The following TTC28 variants were observed in gnomAD, a reference collection of about 807,000 sequenced individuals.
The protein encoded by TTC28 is tetratricopeptide repeat protein 28.
A neutral mutation model predicts 198.0 loss-of-function variants in TTC28; 61 were observed. The observed-to-expected ratio is 0.31, with a 90% CI of 0.25 to 0.38. The LOEUF is 0.38. TTC28 is among the 10% of genes least tolerant of loss of function. TTC28 has a pLI of 1.00. For synonymous variants in TTC28, 1,171 were observed against 1,297.8 expected (o/e 0.90, Z 2.10); for missense variants, 2,678 against 3,164.0 (o/e 0.85, Z 3.69).
intron 6 of TTC28, among the ~76,000 whole-genome samples, chr22:28,122,545 CT>C (rs996854198): frequency 3.3e-5 from 5 of 152,206 alleles, no homozygotes; most frequent in African/African-American, 1.2e-4. Flanking sequence ...TTCTGATAAT[CT>C]TTATGGGTTT....
At chr22:28,337,707 ATCCCTT>A (rs2045754216) in intron 2 of TTC28, among the ~76,000 whole-genome samples, 1 of 152,096 alleles carries the variant, frequency 6.6e-6, no homozygotes, top group African/African-American at 2.4e-5. Flanking sequence ...ATGTTCCTCC[ATCCCTT>A]TATTTTGAGC....
chr22:28,279,227 G>C (rs1258266598), intron 5 of TTC28, among the ~76,000 whole-genome samples: 1 of 151,806 alleles, frequency 6.6e-6, no homozygotes, highest in Non-Finnish European at 1.5e-5. Flanking sequence ...CTGTTTTTTT[G>C]ATACAATTTA....
chr22:28,495,075 T>C (rs903053205), intron 2 of TTC28, among the ~76,000 whole-genome samples: 1 of 150,020 alleles, frequency 6.7e-6, no homozygotes, highest in Non-Finnish European at 1.5e-5. Flanking sequence ...ATGAGAGAGA[T>C]ATGAGAAAAT....
intron 2 of TTC28, among the ~76,000 whole-genome samples, chr22:28,574,335 C>T (rs1289512705): frequency 2.0e-5 from 3 of 151,358 alleles, no homozygotes; most frequent in East Asian, 1.9e-4. Context: ...TTTTTGTGGC[C>T]GAATAGTACT....
chr22:28,532,094 C>A (rs1225186137), intron 2 of TTC28, among the ~76,000 whole-genome samples: 2 of 152,048 alleles, frequency 1.3e-5, no homozygotes, highest in Non-Finnish European at 2.9e-5. Flanking sequence ...ACACAAAAAA[C>A]CCTTCAAAAA....
intron 2 of TTC28, among the ~76,000 whole-genome samples, chr22:28,446,070 G>A (rs1318822076): frequency 1.3e-5 from 2 of 152,142 alleles, no homozygotes; most frequent in Non-Finnish European, 2.9e-5. Flanking sequence ...AATAGTGTCA[G>A]CAAAGGAGGC....
chr22:28,048,083 G>GT (rs1277220663), intron 12 of TTC28, among the ~76,000 whole-genome samples: 2 of 151,892 alleles, frequency 1.3e-5, no homozygotes, highest in African/African-American at 4.8e-5. Context: ...AACCTAGGAG[G>GT]TTTTTTTCTG....
intron 2 of TTC28, among the ~76,000 whole-genome samples, chr22:28,319,048 G>C (rs1411703017): frequency 6.6e-6 from 1 of 151,874 alleles, no homozygotes; most frequent in Non-Finnish European, 1.5e-5. Context: ...GGCTGGTTTT[G>C]AACGCCTGGA....
chr22:28,050,197 C>G (rs1415985209), intron 12 of TTC28, among the ~76,000 whole-genome samples: 12 of 152,072 alleles, frequency 7.9e-5, no homozygotes, highest in Admixed American at 7.9e-4. Flanking sequence ...GCCAGGTGAG[C>G]TTGAATCAGG....
At chr22:28,576,722 T>C (rs1445072217) in intron 2 of TTC28, among the ~76,000 whole-genome samples, 1 of 152,118 alleles carries the variant, frequency 6.6e-6, no homozygotes, top group East Asian at 1.9e-4. Context: ...GTAGGCTATA[T>C]GTGTCTAGGA....
chr22:28,421,977 G>GA (rs970158715), intron 2 of TTC28, among the ~76,000 whole-genome samples: 33 of 147,496 alleles, frequency 2.2e-4, no homozygotes, highest in South Asian at 1.1e-3. Flanking sequence ...ACCTAGTCAG[G>GA]AAAAAAAAAC....
rs765447917 is a variant in TTC28 at position 28,632,253 on chromosome 22, C to CTTTTTT, written c.103-2429_103-2424dup. Reference sequence around the variant, plus strand: ...ATATCAGTGTCCAAGTTATATTCAACTTTTTTTTTTTTTTTTTTTTTTTTT... The same window carrying CTTTTTT: ...ATATCAGTGTCCAAGTTATATTCAACTTTTTTTTTTTTTTTTTTTTTTTTTTTTTTT... On this transcript the variant is annotated intron_variant, in intron 1 of 22. Coordinates refer to ENST00000397906, the MANE Select transcript of TTC28 (RefSeq NM_001145418.2). Among the ~76,000 whole-genome samples the CTTTTTT allele has an allele frequency of 3.7e-3, 182 of 49,702 alleles. 21 individuals carry two copies. Among genetic ancestry groups the CTTTTTT allele is most frequent in the Non-Finnish European group, 4.0e-3 (114 of 28,218 alleles). 32.6% of individuals were successfully genotyped at this position (49,702 alleles called of 152,430 possible). A position where few individuals can be genotyped will look rare whatever the true frequency, so the allele number is the denominator to read the frequency against.
intron 2 of TTC28, among the ~76,000 whole-genome samples, chr22:28,421,696 C>CCAG (rs1456509982): frequency 1.3e-5 from 2 of 152,012 alleles, no homozygotes; most frequent in African/African-American, 2.4e-5. Flanking sequence ...ACCTATAATC[C>CCAG]CAGCACTTTG....
intron 2 of TTC28, among the ~76,000 whole-genome samples, chr22:28,587,509 T>C (rs2146078786): frequency 6.6e-6 from 1 of 152,290 alleles, no homozygotes; most frequent in South Asian, 2.1e-4. Flanking sequence ...TATTTATTTA[T>C]TTTATTTATT....
chr22:28,548,400 T>A (rs561154852), intron 2 of TTC28, among the ~76,000 whole-genome samples: 6 of 152,222 alleles, frequency 3.9e-5, no homozygotes, highest in African/African-American at 1.4e-4. Flanking sequence ...AACATGGCAA[T>A]CTCTGAACAA....
intron 2 of TTC28, among the ~76,000 whole-genome samples, chr22:28,500,674 A>C (rs2146366018): frequency 6.6e-6 from 1 of 152,306 alleles, no homozygotes; most frequent in South Asian, 2.1e-4. Context: ...CAGAAAGCTT[A>C]ACATTTATAA....
chr22:28,134,400 C>G (rs774522901), intron 6 of TTC28, among the ~76,000 whole-genome samples: 3 of 152,164 alleles, frequency 2.0e-5, no homozygotes, highest in Non-Finnish European at 4.4e-5. Flanking sequence ...GTCAGACAAT[C>G]AAACTTCTCC....
chr22:28,574,387 T>C (rs904672208), intron 2 of TTC28, among the ~76,000 whole-genome samples: 10 of 152,012 alleles, frequency 6.6e-5, no homozygotes, highest in African/African-American at 2.4e-4. Context: ...TGTGTGTGAG[T>C]GTGTGTGTGT....
intron 12 of TTC28, among the ~76,000 whole-genome samples, chr22:28,055,500 T>C (rs1194528381): frequency 2.0e-5 from 3 of 152,106 alleles, no homozygotes; most frequent in Admixed American, 2.0e-4. Context: ...AAGATTTAGA[T>C]GAATAGAAGA....
Sources: allele counts gnomAD v4.1 joint callset (sites outside exome capture counted in the v4.1 genomes callset), GRCh38; gene constraint gnomAD v4.1.1; transcripts MANE v1.5; gene names NCBI Gene and HGNC (gene_info 2026-07-23, HGNC 2026-07-21).